Variants in ZNF415 observed in about 807,000 individuals in gnomAD.
The protein encoded by ZNF415 is zinc finger protein 415.
In ZNF415, 5 loss-of-function variants were observed where a neutral mutation model predicts 7.3. The ratio of observed to expected loss-of-function variants is 0.69; its 90% CI spans 0.36 to 1.44. The LOEUF (loss-of-function observed/expected upper bound fraction) is 1.44, where lower values mean the gene tolerates loss of function less well. Among genes scored for constraint, ZNF415 ranks in the 40% most tolerant of loss-of-function variants. The probability of loss-of-function intolerance (pLI) is 0.04; values close to 1 mark genes in which losing one functional copy is unlikely to be tolerated. For synonymous variants in ZNF415, 207 were observed against 226.3 expected, an observed-to-expected ratio of 0.91 and a Z score of 0.77; for missense variants, 628 against 664.8, an observed-to-expected ratio of 0.94 and a Z score of 0.61.
At chr19:53,123,496 T>G in intron 1 of ZNF415, 1 of 398,588 alleles carries the variant, frequency 2.5e-6, no homozygotes, top group Middle Eastern at 6.3e-4. Context: ...GAGGGGTGTT[T>G]GCACCTGCAG....
intron 3 of ZNF415, chr19:53,115,746 T>C: frequency 9.0e-6 from 14 of 1,550,580 alleles, no homozygotes; most frequent in South Asian, 1.2e-5. Context: ...TTTGGTTTTC[T>C]TGCTACTCGT....
At position 53,116,051 on chromosome 19, in the gene ZNF415, GAAGT is replaced by G. The variant is rs547556501; in HGVS notation, c.136+258_136+261del. The G allele has an allele frequency of 4.9e-6, 3 of 613,964 alleles. No homozygotes were observed. The South Asian group carries it at 6.2e-5, about 13-fold the overall frequency. 38.0% of individuals were successfully genotyped at this position (613,964 alleles called of 1,614,324 possible). A position where few individuals can be genotyped will look rare whatever the true frequency, so the allele number is the denominator to read the frequency against. The stretch of plus-strand genomic sequence containing the variant: ...ATCAAAGCACAGGGGCAGAAAACAA[GAAGT>G]GAGTATTTCAGAAGTCTACCATAAG... On this transcript the variant is annotated intron_variant, in intron 3 of 3. Transcript: ENST00000243643.
chr19:53,116,569 A>G (rs1011167641), intron 2 of ZNF415, 136 bp from the exon 3 acceptor site: 1 of 1,118,666 alleles, frequency 8.9e-7, no homozygotes, highest in Admixed American at 2.3e-5. Context: ...ACACTAAGGT[A>G]TTTTTGAGTA....
At chr19:53,114,125 A>G (rs569171235) in intron 3 of ZNF415, among the ~76,000 whole-genome samples, 6 of 152,204 alleles carry the variant, frequency 3.9e-5, no homozygotes, top group Non-Finnish European at 5.9e-5. Flanking sequence ...TAGGTTGGTT[A>G]TCATAGCAGG....
At position 53,109,096 on chromosome 19, in the gene ZNF415, G is replaced by C; in HGVS notation, c.949C>G (p.Leu317Val). ...KVFSRNSCLA[L>V]HQKTHIGEKP... ...TCTCCAATATGAGTTTTCTGATGTA[G>C]TGCAAGGCATGAATTTCGACTGAAG... The change falls in exon 4 of 4, where the codon CTA becomes GTA. Residue 317 changes from leucine (L) to valine (V), a missense_variant. Physicochemically the swap from Leu to Val is conservative, Grantham distance 32. Coordinates refer to ENST00000243643, the MANE Select transcript of ZNF415 (RefSeq NM_018355.4). The C allele has an allele frequency of 6.2e-7, 1 of 1,613,822 alleles. No homozygotes were observed. The highest frequency in any genetic ancestry group is 8.5e-7 in the Non-Finnish European group (1 of 1,179,976).
At chr19:53,112,073 C>T (rs960939886) in intron 3 of ZNF415, among the ~76,000 whole-genome samples, 1 of 152,046 alleles carries the variant, frequency 6.6e-6, no homozygotes, top group Non-Finnish European at 1.5e-5. Flanking sequence ...TCCTGAGTAG[C>T]TGAGATTACA....
In ZNF415 at chr19:53,109,401, G is replaced by T. The variant is rs1213586457; in HGVS notation, c.644C>A (p.Pro215His). 6.2e-7 allele frequency: 1 copy of T among 1,614,100 alleles called. No homozygotes were observed. Among genetic ancestry groups the T allele is most frequent in the East Asian group, 2.2e-5 (1 of 44,884 alleles). The change falls in exon 4 of 4, where the codon CCT (proline) becomes CAT (histidine). Residue 215 changes from proline (P) to histidine (H), a missense_variant. Coordinates refer to ENST00000243643, the MANE Select transcript of ZNF415 (RefSeq NM_018355.4). ...TTTGTCGCACTCAATATATCTGTAAGGTTTTTCCCTAATGCATGATTTCTG... is the reference window on the plus strand; with the variant it reads ...TTTGTCGCACTCAATATATCTGTAATGTTTTTCCCTAATGCATGATTTCTG... ...QEQKSCIREK[P>H]YRYIECDKAL...
rs138977475 is a variant in ZNF415 at position 53,109,663 on chromosome 19, T to G, written c.382A>C (p.Arg128=). The G allele has an allele frequency of 1.4e-5, 22 of 1,614,182 alleles. No homozygotes were observed. Among genetic ancestry groups the G allele is most frequent in the Non-Finnish European group, 1.7e-5 (20 of 1,180,020 alleles). ...LTCRRDQRDR[R]GIGNKSIKHQ... Reference sequence around the variant, plus strand: ...TTAATAGACTTGTTTCCTATACCTCTTCTATCGCGTTGGTCTCTCCTACAA... The same window carrying G: ...TTAATAGACTTGTTTCCTATACCTCGTCTATCGCGTTGGTCTCTCCTACAA... Residue 128 remains arginine, a synonymous_variant, in exon 4 of 4, where the codon AGA becomes CGA. Transcript: ENST00000243643.
At chr19:53,114,503 TAAGAG>T (rs2086708292) in intron 3 of ZNF415, among the ~76,000 whole-genome samples, 1 of 152,106 alleles carries the variant, frequency 6.6e-6, no homozygotes, top group African/African-American at 2.4e-5. Context: ...CATGCAAACT[TAAGAG>T]AAAACAAAAT....
At position 53,122,656 on chromosome 19, in the gene ZNF415, CT is replaced by C. The variant is rs2088309861; in HGVS notation, c.15+5del. The C allele has an allele frequency of 6.2e-7, 1 of 1,614,054 alleles. No individual in the cohort carries two copies. Among genetic ancestry groups the C allele is most frequent in the South Asian group, 1.1e-5 (1 of 91,086 alleles). On this transcript the variant is annotated splice_donor_5th_base_variant and intron_variant, in intron 2 of 3. Transcript: ENST00000243643. ...ACAGAATGATCCACACAGAATCTTT[CT>C]TTACCTGAGTAAAAGCCATTCCTGA...
intron 1 of ZNF415, among the ~76,000 whole-genome samples, chr19:53,130,991 C>A (rs990913993): frequency 4.0e-5 from 6 of 151,834 alleles, no homozygotes; most frequent in Admixed American, 1.3e-4. Context: ...AATCCGCAGC[C>A]CAGGAAGGCT....
intron 1 of ZNF415, chr19:53,129,444 T>A (rs2089753550): frequency 2.5e-6 from 1 of 395,666 alleles, no homozygotes; most frequent in Admixed American, 4.4e-5. Context: ...CTGCTTCACA[T>A]TCTTGTTTTC....
At chr19:53,124,750 T>C (rs1336468796) in intron 1 of ZNF415, among the ~76,000 whole-genome samples, 1 of 152,064 alleles carries the variant, frequency 6.6e-6, no homozygotes, top group Admixed American at 6.6e-5. Context: ...AAAGATCTCT[T>C]CCTTGCTTCC....
chr19:53,129,548 G>C (rs772160491), intron 1 of ZNF415: 1 of 402,672 alleles, frequency 2.5e-6, no homozygotes, highest in Non-Finnish European at 4.4e-6. Context: ...ACCCAATTTT[G>C]CCCCAAATTT....
chr19:53,120,689 T>G (rs1021785595), intron 2 of ZNF415, among the ~76,000 whole-genome samples: 1 of 152,204 alleles, frequency 6.6e-6, no homozygotes, highest in South Asian at 2.1e-4. Flanking sequence ...AGTTCTGCTC[T>G]GATGTCTGAG....
chr19:53,109,430 T>C lies in ZNF415; in HGVS notation c.615A>G (p.Gln205=). 1 of 1,614,160 alleles carries C rather than the reference T, an allele frequency of 6.2e-7. No individual in the cohort carries two copies. The highest frequency in any genetic ancestry group is 8.5e-7 in the Non-Finnish European group (1 of 1,179,994). The part of the protein sequence containing the change: ...TDFICSSLLT[Q]EQKSCIREKP... ...TTTCCCTAATGCATGATTTCTGTTCTTGTGTGAGTAATGAAGAACAGATGA... is the reference window on the plus strand; with the variant it reads ...TTTCCCTAATGCATGATTTCTGTTCCTGTGTGAGTAATGAAGAACAGATGA... The change falls in exon 4 of 4, where the codon CAA becomes CAG. Residue 205 remains glutamine, a synonymous_variant. Coordinates refer to ENST00000243643, the MANE Select transcript of ZNF415 (RefSeq NM_018355.4).
intron 1 of ZNF415, among the ~76,000 whole-genome samples, chr19:53,131,026 C>T (rs904284810): frequency 3.4e-5 from 5 of 147,872 alleles, no homozygotes; most frequent in Non-Finnish European, 6.0e-5. Flanking sequence ...ACACAAATTC[C>T]TAAACTTCCT....
chr19:53,116,287 G>T, intron 3 of ZNF415, 26 bp downstream of exon 3: 2 of 1,589,068 alleles, frequency 1.3e-6, no homozygotes, highest in Non-Finnish European at 1.7e-6. Flanking sequence ...GGCAGATTTT[G>T]ACTTCTGGAA....
intron 3 of ZNF415, among the ~76,000 whole-genome samples, chr19:53,114,254 G>T (rs2086668742): frequency 6.6e-6 from 1 of 152,078 alleles, no homozygotes; most frequent in African/African-American, 2.4e-5. Flanking sequence ...TCAGCTCACT[G>T]CAACCTCCGC....
Sources: gnomAD v4.1 joint callset for allele counts (sites outside exome capture counted in the v4.1 genomes callset) on GRCh38, gnomAD v4.1.1 for gene constraint, MANE v1.5 for transcripts, NCBI Gene and HGNC (gene_info 2026-07-23, HGNC 2026-07-21) for gene names.